Variants in ANK1 observed in about 807,000 individuals in gnomAD.
ANK1 encodes the protein ankyrin-1.
ANK1 carries 51 observed loss-of-function variants against 210.4 expected under a neutral mutation model. The ratio of observed to expected loss-of-function variants is 0.24; its 90% CI spans 0.19 to 0.31. The LOEUF (loss-of-function observed/expected upper bound fraction) is 0.31, where lower values mean the gene tolerates loss of function less well. ANK1 is among the 10% of genes least tolerant of loss of function. ANK1 has a pLI of 1.00. For synonymous variants in ANK1, 967 were observed against 1,025.9 expected (o/e 0.94, Z 1.10); for missense variants, 2,051 against 2,504.4 (o/e 0.82, Z 3.86).
chr8:41,689,877 G>A (rs976201140), intron 33 of ANK1, among the ~76,000 whole-genome samples: 9 of 152,146 alleles, frequency 5.9e-5, no homozygotes, highest in African/African-American at 1.9e-4. Flanking sequence ...CAGAGGCCTC[G>A]GGCCAGGGAC....
At chr8:41,853,076 T>G (rs1811557531) in intron 1 of ANK1, among the ~76,000 whole-genome samples, 2 of 152,230 alleles carry the variant, frequency 1.3e-5, no homozygotes, top group Admixed American at 1.3e-4. Context: ...AATATTTGCT[T>G]ACCCAAAAGG....
Position 41,861,174 on chromosome 8 carries a change from C to A in ANK1, c.126+35181G>T, listed in dbSNP as rs776667904. Among the ~76,000 whole-genome samples the A allele has an allele frequency of 7.2e-5, 11 of 152,130 alleles. No individual in the cohort carries two copies. The South Asian group carries it at 1.0e-3, about 14-fold the overall frequency. On this transcript the variant is annotated intron_variant, in intron 1 of 42. Coordinates refer to the ANK1 transcript ENST00000265709. ...AGACTTTGGTGGAATTAACTCCGGA[C>A]AAGGAGAGCAACACTAGGCACTGAA...
intron 13 of ANK1, 86 bp downstream of exon 13, chr8:41,716,867 C>T: frequency 7.3e-7 from 1 of 1,368,574 alleles, no homozygotes; most frequent in Non-Finnish European, 1.0e-6. Flanking sequence ...AGCACTGCAG[C>T]CCCGCCTGGA....
At position 41,672,749 on chromosome 8, in the gene ANK1, C is replaced by T. The variant is rs1224533556; in HGVS notation, c.4701G>A (p.Gln1567=). 3.7e-6 allele frequency: 6 copies of T among 1,603,952 alleles called. No individual in the cohort carries two copies. The highest frequency in any genetic ancestry group is 1.7e-5 in the Admixed American group (1 of 59,678). Reference sequence around the variant, plus strand: ...AAGGCGTGAGGCCCGCAGACCACACCTGCATGTCAGACATCTCCAGCATGG... The same window carrying T: ...AAGGCGTGAGGCCCGCAGACCACACTTGCATGTCAGACATCTCCAGCATGG... ...HDTMLEMSDM[Q]VWSAGLTPSL... The change falls in exon 38 of 43, where the codon CAG becomes CAA. Residue 1567 remains glutamine (Q), a synonymous_variant. Transcript: ENST00000289734.
chr8:41,686,474 A>C (rs1422732001), intron 35 of ANK1, among the ~76,000 whole-genome samples, 191 bp from the exon 36 acceptor site: 3 of 152,212 alleles, frequency 2.0e-5, no homozygotes, highest in Non-Finnish European at 4.4e-5. Flanking sequence ...GCCAGCACCT[A>C]TACCTTTATG....
At chr8:41,681,822 C>T (rs1027256462) in intron 37 of ANK1, among the ~76,000 whole-genome samples, 3 of 150,286 alleles carry the variant, frequency 2.0e-5, no homozygotes, top group Non-Finnish European at 4.4e-5. Context: ...CTTTCTGGGG[C>T]AAGGAAGAAG....
At chr8:41,693,495 T>G (rs901374452) in intron 29 of ANK1, among the ~76,000 whole-genome samples, 1 of 137,180 alleles carries the variant, frequency 7.3e-6, no homozygotes, top group Non-Finnish European at 1.5e-5. Context: ...TGCAGTGTAG[T>G]GGAATGATCT....
Position 41,776,979 on chromosome 8 carries a change from T to C in ANK1, c.28-18842A>G, listed in dbSNP as rs556756796. On this transcript the variant is annotated intron_variant, in intron 1 of 42. Coordinates refer to ENST00000289734, the MANE Select transcript of ANK1 (RefSeq NM_000037.4). ...GGGCTCATCGTATTATTTTAATAATTGAAGGGAACCATTTTCTTTCTGTTT... is the reference window on the plus strand; with the variant it reads ...GGGCTCATCGTATTATTTTAATAATCGAAGGGAACCATTTTCTTTCTGTTT... 5.3e-4 allele frequency among the ~76,000 whole-genome samples: 80 copies of C among 152,372 alleles called. 1 individual carries two copies. Among genetic ancestry groups the C allele is most frequent in the African/African-American group, 1.8e-3 (74 of 41,592 alleles).
chr8:41,691,822 A>G (rs1364523676), intron 31 of ANK1, among the ~76,000 whole-genome samples: 1 of 152,226 alleles, frequency 6.6e-6, no homozygotes, highest in Non-Finnish European at 1.5e-5. Context: ...ACCCATAAAT[A>G]TGAGAATTAA....
chr8:41,748,618 C>A (rs750960101), intron 2 of ANK1, among the ~76,000 whole-genome samples: 11 of 152,246 alleles, frequency 7.2e-5, no homozygotes, highest in Non-Finnish European at 1.3e-4. Context: ...CCTTCACAAC[C>A]TTTCTCTGAC....
chr8:41,775,238 C>G (rs1843757698), intron 1 of ANK1, among the ~76,000 whole-genome samples: 1 of 152,200 alleles, frequency 6.6e-6, no homozygotes, highest in Admixed American at 6.5e-5. Flanking sequence ...AAGCTGCCAT[C>G]TGGAGCAGGC....
chr8:41,700,942 A>C (rs182059715), intron 22 of ANK1, among the ~76,000 whole-genome samples: 5,461 of 151,858 alleles, frequency 0.036, 173 homozygotes, highest in African/African-American at 0.09. Context: ...TTTAGTTCTA[A>C]TTTTTTGGAG....
intron 6 of ANK1, 52 bp downstream of exon 6, chr8:41,725,709 T>G: frequency 6.3e-7 from 1 of 1,577,822 alleles, no homozygotes; most frequent in Non-Finnish European, 8.6e-7. Context: ...CGGTGCCCCC[T>G]GAGCCCACGG....
chr8:41,736,607 C>T (rs919632205), intron 2 of ANK1, among the ~76,000 whole-genome samples: 8 of 152,338 alleles, frequency 5.3e-5, no homozygotes, highest in Middle Eastern at 3.4e-3. Flanking sequence ...TCGGTGCTGA[C>T]GGCTGGGGTT....
chr8:41,702,651 G>A (rs765866822), intron 20 of ANK1, among the ~76,000 whole-genome samples: 1 of 152,346 alleles, frequency 6.6e-6, no homozygotes, highest in East Asian at 1.9e-4. Flanking sequence ...AATACAGCAA[G>A]GGCATATTTT....
At chr8:41,737,129 T>C (rs892338780) in intron 2 of ANK1, among the ~76,000 whole-genome samples, 5 of 152,104 alleles carry the variant, frequency 3.3e-5, no homozygotes, top group African/African-American at 1.2e-4. Context: ...AGAAACTCTG[T>C]CTCTACTAAA....
At chr8:41,785,710 C>T (rs923441150) in intron 1 of ANK1, among the ~76,000 whole-genome samples, 30 of 152,346 alleles carry the variant, frequency 2.0e-4, no homozygotes, top group Middle Eastern at 3.4e-3. Flanking sequence ...GGGCCTGGGC[C>T]TTCCCGCAGG....
In ANK1 at chr8:41,896,325, C is replaced by G. The variant is rs77115522; in HGVS notation, c.126+30G>C. The G allele has an allele frequency of 0.22, 354,069 of 1,579,968 alleles. 43,550 individuals are homozygous for G. The highest frequency in any genetic ancestry group is 0.25 in the Non-Finnish European group (295,185 of 1,164,478). ...AGCAGCCACTTGCAGGTGCCGCGGT[C>G]GCTGGGCTTTCACCGCCGCCCCCTC... On this transcript the variant is annotated intron_variant, in intron 1 of 42. Coordinates refer to the ANK1 transcript ENST00000265709.
At chr8:41,814,726 A>T (rs1563832047) in intron 1 of ANK1, among the ~76,000 whole-genome samples, 2 of 150,392 alleles carry the variant, frequency 1.3e-5, no homozygotes, top group African/African-American at 4.9e-5. Flanking sequence ...TTAGATTCTT[A>T]TTTTTTTTTA....
Sources: gnomAD v4.1 joint callset for allele counts (sites outside exome capture counted in the v4.1 genomes callset) on GRCh38, gnomAD v4.1.1 for gene constraint, MANE v1.5 for transcripts, NCBI Gene and HGNC (gene_info 2026-07-23, HGNC 2026-07-21) for gene names.